TSGA10: variants seen among roughly 807,000 people sequenced by gnomAD.
TSGA10 encodes the protein testis-specific gene 10 protein.
A neutral mutation model predicts 96.6 loss-of-function variants in TSGA10; 43 were observed. The ratio of observed to expected loss-of-function variants is 0.44; its 90% CI spans 0.35 to 0.57. The LOEUF is 0.57. Among genes scored for constraint, TSGA10 ranks in the 20% least tolerant of loss-of-function variants. The probability of loss-of-function intolerance (pLI) is 0.01; values close to 1 mark genes in which losing one functional copy is unlikely to be tolerated. For synonymous variants in TSGA10, 229 were observed against 269.9 expected, an observed-to-expected ratio of 0.85 and a Z score of 1.48; for missense variants, 703 against 834.4, an observed-to-expected ratio of 0.84 and a Z score of 1.94.
At chr2:99,122,005 A>G (rs2092598657) in intron 2 of TSGA10, among the ~76,000 whole-genome samples, 2 of 152,162 alleles carry the variant, frequency 1.3e-5, no homozygotes, top group Admixed American at 1.3e-4. Flanking sequence ...AAATGCTCCA[A>G]CACCACTTGT....
intron 11 of TSGA10, among the ~76,000 whole-genome samples, chr2:99,080,108 T>C (rs1218270492): frequency 6.6e-6 from 1 of 152,174 alleles, no homozygotes; most frequent in South Asian, 2.1e-4. Flanking sequence ...TACCCTTTAA[T>C]AGCCAAACTT....
At chr2:99,147,512 A>T in intron 1 of TSGA10, 1 of 1,612,168 alleles carries the variant, frequency 6.2e-7, no homozygotes, top group Non-Finnish European at 8.5e-7. Context: ...CACAGGGCCA[A>T]GTCTACCCTA....
intron 1 of TSGA10, among the ~76,000 whole-genome samples, chr2:99,143,133 CTTTTTTTTTTTTTTT>C (rs10605521): frequency 2.4e-5 from 2 of 82,154 alleles, no homozygotes; most frequent in African/African-American, 4.5e-5. Flanking sequence ...CCAACTAAAC[CTTTTTTTTTTTTTTT>C]TTTTTTTTTT....
intron 17 of TSGA10, among the ~76,000 whole-genome samples, chr2:99,029,511 A>G (rs1002506191): frequency 3.9e-5 from 6 of 152,230 alleles, no homozygotes; most frequent in Non-Finnish European, 7.3e-5. Context: ...GAAGGTGGCA[A>G]TATAGATATT....
At chr2:99,001,818 C>T (rs925214497) in intron 20 of TSGA10, among the ~76,000 whole-genome samples, 10 of 152,072 alleles carry the variant, frequency 6.6e-5, no homozygotes, top group South Asian at 2.1e-4. Flanking sequence ...AAAACCATGG[C>T]GCGAAAACTA....
chr2:99,061,644 T>C (rs1251862172), intron 16 of TSGA10, among the ~76,000 whole-genome samples: 1 of 152,182 alleles, frequency 6.6e-6, no homozygotes, highest in East Asian at 1.9e-4. Context: ...CCTAGTTATT[T>C]ATCCAAGAAA....
chr2:99,093,743 A>G (rs573846023), intron 10 of TSGA10, among the ~76,000 whole-genome samples: 1 of 152,312 alleles, frequency 6.6e-6, no homozygotes, highest in South Asian at 2.1e-4. Context: ...CTGCTGAAAG[A>G]CATCACAGAC....
chr2:99,018,686 T>C, intron 18 of TSGA10, 46 bp from the exon 19 acceptor site: 1 of 1,505,652 alleles, frequency 6.6e-7, no homozygotes. Context: ...ACTTAAAATA[T>C]GGCTATGATT....
chr2:99,035,569 CA>C, intron 16 of TSGA10, 130 bp from the exon 17 acceptor site: 1 of 543,022 alleles, frequency 1.8e-6, no homozygotes, highest in Non-Finnish European at 3.1e-6. Context: ...TTAAATAATA[CA>C]GGTGGTAACA....
At chr2:99,017,832 G>A (rs1165298160) in intron 20 of TSGA10, among the ~76,000 whole-genome samples, 3 of 151,714 alleles carry the variant, frequency 2.0e-5, no homozygotes, top group African/African-American at 7.3e-5. Context: ...GGAGAAGAGT[G>A]AGGAATAAAG....
intron 20 of TSGA10, among the ~76,000 whole-genome samples, chr2:99,001,567 T>C (rs7577162): frequency 1 from 152,254 of 152,272 alleles, 76,118 homozygotes; most frequent in Middle Eastern, 1. Context: ...AAAATCAGAG[T>C]GTCTCTTCTC....
chr2:99,083,040 A>G (rs1286420170), intron 10 of TSGA10, among the ~76,000 whole-genome samples: 2 of 152,110 alleles, frequency 1.3e-5, no homozygotes, highest in African/African-American at 4.8e-5. Context: ...AGCACAAATA[A>G]AACAATGAAA....
intron 1 of TSGA10, among the ~76,000 whole-genome samples, chr2:99,143,504 C>T (rs2093599929): frequency 6.7e-6 from 1 of 148,346 alleles, no homozygotes; most frequent in African/African-American, 2.5e-5. Context: ...CACTCTGTTG[C>T]CCTGTACCCA....
rs977980769 is a variant in TSGA10 at position 99,136,798 on chromosome 2, CAAAAAAAAAAAAAAAAAAAAAAAAAAAAA to C, written c.-620-9651_-620-9623del. On this transcript the variant is annotated intron_variant, in intron 1 of 20. Transcript: ENST00000393483. Reference sequence around the variant, plus strand: ...TGGGCGACAGAGCGAGACTCCATCTCAAAAAAAAAAAAAAAAAAAAAAAAAAAAAAAAAAAAAAAAAAAAAAGTATTTCT... The same window carrying C: ...TGGGCGACAGAGCGAGACTCCATCTCAAAAAAAAAAAAAAAAAGTATTTCT... Among the ~76,000 whole-genome samples, 22 of 3,058 alleles carry C rather than the reference CAAAAAAAAAAAAAAAAAAAAAAAAAAAAA, an allele frequency of 7.2e-3. 5 individuals carry two copies. In the South Asian group the frequency reaches 0.3, roughly 42 times the overall value. The allele number at this position is 3,058 out of a possible 152,430, so 2.0% of individuals were successfully genotyped here.
chr2:99,087,809 C>A, intron 10 of TSGA10, among the ~76,000 whole-genome samples: 1 of 151,872 alleles, frequency 6.6e-6, no homozygotes, highest in South Asian at 2.1e-4. Context: ...ACAATAATGC[C>A]TACAAATAAA....
chr2:99,018,494 C>G, intron 19 of TSGA10, 42 bp downstream of exon 19: 1 of 1,586,144 alleles, frequency 6.3e-7, no homozygotes. Context: ...GCTTTCCATG[C>G]TGAAAAGCAT....
At position 99,078,767 on chromosome 2, in the gene TSGA10, A is replaced by G. The variant is rs1306308472; in HGVS notation, c.774T>C (p.Ile258=). 6.2e-7 allele frequency: 1 copy of G among 1,613,650 alleles called. No homozygotes were observed. The highest frequency in any genetic ancestry group is 2.2e-5 in the East Asian group (1 of 44,812). Residue 258 remains isoleucine (I), a synonymous_variant, in exon 12 of 21, where the codon ATT becomes ATC. Transcript: ENST00000393483. ...CCAGATCATTGAGGGTTCCACCAAGAATGCTGATTTCTTCTCGCTGTGCAA... is the reference window on the plus strand; with the variant it reads ...CCAGATCATTGAGGGTTCCACCAAGGATGCTGATTTCTTCTCGCTGTGCAA... The part of the protein sequence containing the change: ...QNIAQREEIS[I]LGGTLNDLAK...
chr2:99,136,241 T>C lies in TSGA10; in HGVS notation c.-620-9065A>G, dbSNP rs191136322. ...ACATTTCTTCCATCCCTACTATCAC[T>C]GTTTTAGTTCATGCTTTCAGACTGT... On this transcript the variant is annotated intron_variant, in intron 1 of 20. Coordinates refer to ENST00000393483, the MANE Select transcript of TSGA10 (RefSeq NM_025244.4). 1.1e-4 allele frequency among the ~76,000 whole-genome samples: 16 copies of C among 152,356 alleles called. No individual in the cohort carries two copies. The East Asian group carries it at 3.1e-3, about 29-fold the overall frequency.
intron 20 of TSGA10, among the ~76,000 whole-genome samples, chr2:99,003,364 C>A (rs1033193226): frequency 6.6e-6 from 1 of 152,158 alleles, no homozygotes; most frequent in African/African-American, 2.4e-5. Context: ...GACTTTAACA[C>A]CCCACTGTCA....
Sources: allele counts gnomAD v4.1 joint callset (sites outside exome capture counted in the v4.1 genomes callset), GRCh38; gene constraint gnomAD v4.1.1; transcripts MANE v1.5; gene names NCBI Gene and HGNC (gene_info 2026-07-23, HGNC 2026-07-21).